The following ADAMTSL1 variants were observed in gnomAD, a reference collection of about 807,000 sequenced individuals.
ADAMTSL1 encodes ADAMTS like 1, also known as ADAMTS-like protein 1.
In ADAMTSL1, 126 loss-of-function variants were observed where a neutral mutation model predicts 201.8. The observed-to-expected ratio is 0.62, with a 90% CI of 0.54 to 0.72. The LOEUF is 0.72. Among genes scored for constraint, ADAMTSL1 ranks in the 30% least tolerant of loss-of-function variants. The probability of loss-of-function intolerance (pLI) is 0.00; values close to 1 mark genes in which losing one functional copy is unlikely to be tolerated. For synonymous variants in ADAMTSL1, 1,121 were observed against 903.4 expected (o/e 1.24, Z -4.32); for missense variants, 2,679 against 2,277.8 (o/e 1.18, Z -3.59).
At chr9:18,441,143 T>C (rs953763355) in intron 2 of ADAMTSL1, among the ~76,000 whole-genome samples, 1 of 151,976 alleles carries the variant, frequency 6.6e-6, no homozygotes, top group Non-Finnish European at 1.5e-5. Context: ...AAAAAGTAGA[T>C]TAGTAGCTAT....
chr9:18,482,472 G>T (rs1488141367), intron 1 of ADAMTSL1, among the ~76,000 whole-genome samples: 1 of 151,796 alleles, frequency 6.6e-6, no homozygotes, highest in Non-Finnish European at 1.5e-5. Context: ...TTCAATTTTT[G>T]TCCAGGGACT....
intron 2 of ADAMTSL1, among the ~76,000 whole-genome samples, chr9:18,454,094 G>T (rs10963610): frequency 0.025 from 3,844 of 152,232 alleles, 160 homozygotes; most frequent in African/African-American, 0.089. Context: ...AAGTTCCATC[G>T]CAGGCCATCT....
At chr9:18,024,101 TA>T (rs1563955025) in intron 1 of ADAMTSL1, among the ~76,000 whole-genome samples, 3 of 152,242 alleles carry the variant, frequency 2.0e-5, no homozygotes, top group African/African-American at 7.2e-5. Context: ...TCAGATATTT[TA>T]AAATATAGTC....
chr9:18,014,281 G>C (rs191893732), intron 1 of ADAMTSL1, among the ~76,000 whole-genome samples: 30 of 152,026 alleles, frequency 2.0e-4, no homozygotes, highest in African/African-American at 7.0e-4. Context: ...TGCAGAACCT[G>C]ATATGCAACA....
intron 2 of ADAMTSL1, among the ~76,000 whole-genome samples, chr9:18,218,589 A>G (rs1213052924): frequency 3.3e-5 from 5 of 152,062 alleles, no homozygotes; most frequent in Non-Finnish European, 4.4e-5. Flanking sequence ...TTGCCTGTTC[A>G]TATCTTTTGC....
At chr9:18,047,606 G>A (rs531969070) in intron 1 of ADAMTSL1, among the ~76,000 whole-genome samples, 9 of 152,238 alleles carry the variant, frequency 5.9e-5, no homozygotes, top group African/African-American at 1.9e-4. Flanking sequence ...GGCTGATGCT[G>A]AGGTCTTGGG....
intron 2 of ADAMTSL1, among the ~76,000 whole-genome samples, chr9:18,274,338 CT>C (rs1229358822): frequency 6.6e-6 from 1 of 152,016 alleles, no homozygotes; most frequent in Non-Finnish European, 1.5e-5. Flanking sequence ...TTGTCCAAAT[CT>C]TAAAAAACAT....
chr9:18,410,684 A>T (rs994403791), intron 2 of ADAMTSL1, among the ~76,000 whole-genome samples: 4 of 152,212 alleles, frequency 2.6e-5, no homozygotes, highest in Non-Finnish European at 5.9e-5. Flanking sequence ...ATGAACAAAC[A>T]TATACATGTA....
At chr9:18,227,394 GA>G (rs1228812271) in intron 2 of ADAMTSL1, among the ~76,000 whole-genome samples, 6 of 152,160 alleles carry the variant, frequency 3.9e-5, no homozygotes, top group Non-Finnish European at 7.4e-5. Flanking sequence ...ACTATCATGT[GA>G]TAATGCTACA....
At chr9:18,579,300 T>C (rs552720923) in intron 4 of ADAMTSL1, among the ~76,000 whole-genome samples, 2 of 134,130 alleles carry the variant, frequency 1.5e-5, no homozygotes, top group Non-Finnish European at 3.1e-5. Flanking sequence ...AACAATGAGA[T>C]CACATGGACA....
chr9:18,446,651 C>G (rs930199369), intron 2 of ADAMTSL1, among the ~76,000 whole-genome samples: 5 of 152,196 alleles, frequency 3.3e-5, no homozygotes, highest in Non-Finnish European at 7.4e-5. Context: ...CATATTGGTC[C>G]TAGAACAAAA....
intron 1 of ADAMTSL1, among the ~76,000 whole-genome samples, chr9:17,979,580 T>G (rs1755271): frequency 6.6e-6 from 1 of 151,234 alleles, no homozygotes. Context: ...TTTTCATGTA[T>G]TGGTACTGAA....
chr9:18,600,704 T>G (rs1051130430), intron 4 of ADAMTSL1, among the ~76,000 whole-genome samples: 2 of 138,862 alleles, frequency 1.4e-5, no homozygotes, highest in African/African-American at 4.9e-5. Context: ...AAAGGAACTC[T>G]TTGGAAACTT....
intron 1 of ADAMTSL1, among the ~76,000 whole-genome samples, chr9:18,141,221 T>C (rs1025809849): frequency 6.6e-5 from 10 of 152,060 alleles, no homozygotes; most frequent in African/African-American, 2.4e-5. Flanking sequence ...TGCTCAATAG[T>C]GCTGAGCTCA....
At chr9:18,650,604 T>C (rs969508827) in intron 7 of ADAMTSL1, among the ~76,000 whole-genome samples, 1 of 152,220 alleles carries the variant, frequency 6.6e-6, no homozygotes, top group African/African-American at 2.4e-5. Flanking sequence ...GAAGACTTTT[T>C]AGTGCAAAAG....
At chr9:18,289,918 C>G (rs910227887) in intron 2 of ADAMTSL1, among the ~76,000 whole-genome samples, 1 of 152,182 alleles carries the variant, frequency 6.6e-6, no homozygotes, top group African/African-American at 2.4e-5. Context: ...AGGTAACCAG[C>G]TAGTGAGAAA....
chr9:18,606,594 A>G (rs1474537486), intron 4 of ADAMTSL1, among the ~76,000 whole-genome samples: 3 of 152,176 alleles, frequency 2.0e-5, no homozygotes, highest in Non-Finnish European at 4.4e-5. Flanking sequence ...GACATTTTTT[A>G]AAGAGACTAA....
At chr9:18,144,857 T>C (rs1826561749) in intron 1 of ADAMTSL1, among the ~76,000 whole-genome samples, 1 of 152,184 alleles carries the variant, frequency 6.6e-6, no homozygotes, top group Non-Finnish European at 1.5e-5. Context: ...ACTCTGTTTC[T>C]AAACAGTGGG....
At chr9:17,949,361 AG>A (rs983211068) in intron 1 of ADAMTSL1, among the ~76,000 whole-genome samples, 154 of 152,258 alleles carry the variant, frequency 1.0e-3, no homozygotes, top group African/African-American at 3.4e-3. Context: ...TTTGCCCAGA[AG>A]GTACTGAAGG....
Sources: allele counts gnomAD v4.1 joint callset (sites outside exome capture counted in the v4.1 genomes callset), GRCh38; gene constraint gnomAD v4.1.1; transcripts MANE v1.5; gene names NCBI Gene and HGNC (gene_info 2026-07-23, HGNC 2026-07-21).